Variants in TJP3 observed in about 807,000 individuals in gnomAD.
TJP3 encodes tight junction protein ZO-3.
Under a neutral mutation model 104.2 loss-of-function variants are expected in TJP3, and 85 were observed. The ratio of observed to expected loss-of-function variants is 0.82; its 90% CI spans 0.68 to 0.98. The LOEUF (loss-of-function observed/expected upper bound fraction) is 0.98, where lower values mean the gene tolerates loss of function less well. Ranked by LOEUF, TJP3 falls within the 50% of genes least tolerant of loss-of-function variation. The pLI, the probability that TJP3 is intolerant of heterozygous loss-of-function variation, is 0.00. For synonymous variants in TJP3, 550 were observed against 550.6 expected (o/e 1.00, Z 0.02); for missense variants, 1,367 against 1,322.8 (o/e 1.03, Z -0.52).
At position 3,738,973 on chromosome 19, in the gene TJP3, A is replaced by G. The variant is rs600986; in HGVS notation, c.1470A>G (p.Pro490=). The G allele has an allele frequency of 0.67, 1,078,900 of 1,612,606 alleles. 362,342 individuals are homozygous for G. The highest frequency in any genetic ancestry group is 0.81 in the Admixed American group (48,462 of 59,966). ...CTCACTTTGAGCTGGAGCCCAGTCC[A>G]CCGTCTGGCCTGGGCTTCACCCGTG... The part of the protein sequence containing the change: ...IRTHFELEPS[P]PSGLGFTRGD... Residue 490 remains proline, a synonymous_variant, in exon 13 of 21, where the codon CCA becomes CCG. Coordinates refer to ENST00000541714, the MANE Select transcript of TJP3 (RefSeq NM_001267560.2).
intron 11 of TJP3, 135 bp downstream of exon 11, chr19:3,736,456 C>T (rs182138793): frequency 2.3e-6 from 2 of 876,794 alleles, no homozygotes; most frequent in Admixed American, 3.7e-5. Context: ...TTGAACATTT[C>T]AGTGTCTCCT....
chr19:3,713,947 C>T (rs566587892), intron 1 of TJP3, among the ~76,000 whole-genome samples: 1 of 151,254 alleles, frequency 6.6e-6, no homozygotes, highest in South Asian at 2.1e-4. Flanking sequence ...GGATGGTCTC[C>T]ATCTCTTGAC....
At position 3,711,446 on chromosome 19, in the gene TJP3, G is replaced by A. The variant is rs1005544399; in HGVS notation, c.-10+2885G>A. On this transcript the variant is annotated intron_variant, in intron 1 of 20. Transcript: ENST00000541714. ...ACTCCTGATCTCAGGTGATTCGCTC[G>A]CCTCGGCCTCCCAAAGTGCTGGGAT... Among the ~76,000 whole-genome samples, 380 of 148,174 alleles carry A rather than the reference G, an allele frequency of 2.6e-3. 3 individuals carry two copies. Among genetic ancestry groups the A allele is most frequent in the African/African-American group, 8.8e-3 (352 of 40,170 alleles).
In TJP3 at chr19:3,728,733, G is replaced by C; in HGVS notation, c.158+20G>C. ...GCTACAGTGAGTATCCAGGCAGCTG[G>C]GTTCTGGCGGGGGAGGGCACGTGGA... On this transcript the variant is annotated intron_variant, in intron 3 of 20. Coordinates refer to ENST00000541714, the MANE Select transcript of TJP3 (RefSeq NM_001267560.2). 6.2e-7 allele frequency: 1 copy of C among 1,611,132 alleles called. No individual in the cohort carries two copies.
Position 3,746,179 on chromosome 19 carries a change from C to T in TJP3, c.2010+98C>T, listed in dbSNP as rs75339428. 5 of 1,241,568 alleles carry T rather than the reference C, an allele frequency of 4.0e-6. No homozygotes were observed. The highest frequency in any genetic ancestry group is 1.3e-5 in the South Asian group (1 of 76,186). 76.9% of individuals were successfully genotyped at this position (1,241,568 alleles called of 1,614,324 possible). Reference sequence around the variant, plus strand: ...CCTGACCTGTTCTCAGCCCACACCCCACAAGTGCAGTCTTCCATAGAGCCC... The same window carrying T: ...CCTGACCTGTTCTCAGCCCACACCCTACAAGTGCAGTCTTCCATAGAGCCC... On this transcript the variant is annotated intron_variant, in intron 16 of 20. Transcript: ENST00000541714. The surrounding 1 kb of genome is among the most constrained non-coding windows in gnomAD (Gnocchi z 4.1).
chr19:3,714,014 C>T (rs2036455489), intron 1 of TJP3, among the ~76,000 whole-genome samples: 1 of 150,970 alleles, frequency 6.6e-6, no homozygotes, highest in South Asian at 2.1e-4. Flanking sequence ...GGTGAACCAC[C>T]ACGCCCGGCC....
At position 3,746,411 on chromosome 19, in the gene TJP3, C is replaced by T; in HGVS notation, c.2011-74C>T. The T allele has an allele frequency of 6.5e-7, 1 of 1,532,502 alleles. No homozygotes were observed. 94.9% of individuals were successfully genotyped at this position (1,532,502 alleles called of 1,614,324 possible). ...GGGTCCACTCTGACCTCAGACTCTT[C>T]ATCTTTCTATCTTTCTCTCTCTGTT... On this transcript the variant is annotated intron_variant, in intron 16 of 20. Transcript: ENST00000541714. This position sits in a 1 kb window ranked among gnomAD's most constrained non-coding sequence, Gnocchi z 4.1.
chr19:3,746,996 G>A lies in TJP3; in HGVS notation c.2322+120G>A. The A allele has an allele frequency of 1.1e-6, 1 of 911,362 alleles. No individual in the cohort carries two copies. Among genetic ancestry groups the A allele is most frequent in the Non-Finnish European group, 1.7e-6 (1 of 590,192 alleles). 56.5% of individuals were successfully genotyped at this position (911,362 alleles called of 1,614,324 possible). On this transcript the variant is annotated intron_variant, in intron 18 of 20. Transcript: ENST00000541714. The surrounding 1 kb of genome is among the most constrained non-coding windows in gnomAD (Gnocchi z 4.1). ...TGGTCAGGGATCAGGACTGTGGCCA[G>A]AGTCAAGATGGGACCTGAGACAAGG... is the stretch of plus-strand genomic sequence containing the variant.
chr19:3,712,271 G>C (rs1248407663), intron 1 of TJP3, among the ~76,000 whole-genome samples: 2 of 152,148 alleles, frequency 1.3e-5, no homozygotes, highest in African/African-American at 4.8e-5. Flanking sequence ...AGCCGGGATC[G>C]CACCACTGCA....
At chr19:3,724,340 C>T (rs1021691065) in intron 1 of TJP3, among the ~76,000 whole-genome samples, 5 of 151,984 alleles carry the variant, frequency 3.3e-5, no homozygotes, top group African/African-American at 7.2e-5. Context: ...GGACTACAGG[C>T]GCCGGCCACC....
Position 3,746,624 on chromosome 19 carries a change from C to T in TJP3, c.2150C>T (p.Ser717Phe), listed in dbSNP as rs1308996755. ...CTGCGCCAGTGGCTGGCGCCTGCCT[C>T]CCGCCGCAGCACCCGTCGCCTCTAC... ...KALRQWLAPASRRSTRRLYAQ... is the reference protein window; with the variant it reads ...KALRQWLAPAFRRSTRRLYAQ... The change falls in exon 17 of 21, where the codon TCC becomes TTC. Residue 717 changes from serine (S) to phenylalanine (F), a missense_variant. Physicochemically the swap from Ser to Phe is radical, Grantham distance 155 (BLOSUM62 -2). Coordinates refer to ENST00000541714, the MANE Select transcript of TJP3 (RefSeq NM_001267560.2). The surrounding 1 kb of genome is among the most constrained non-coding windows in gnomAD (Gnocchi z 4.1). 1 of 1,612,840 alleles carries T rather than the reference C, an allele frequency of 6.2e-7. No individual in the cohort carries two copies. The highest frequency in any genetic ancestry group is 8.5e-7 in the Non-Finnish European group (1 of 1,179,800).
chr19:3,723,808 A>AAAATATAT (rs368301716), intron 1 of TJP3, among the ~76,000 whole-genome samples: 3 of 128,938 alleles, frequency 2.3e-5, no homozygotes, highest in Non-Finnish European at 4.9e-5. Context: ...AAAAAAAAAA[A>AAAATATAT]ATATATATAT....
intron 8 of TJP3, among the ~76,000 whole-genome samples, chr19:3,735,135 G>C (rs2036722162): frequency 1.3e-5 from 2 of 151,758 alleles, no homozygotes; most frequent in Non-Finnish European, 2.9e-5. Context: ...CAAAGTGCTG[G>C]TATTACAGGC....
At chr19:3,724,107 G>T (rs931082054) in intron 1 of TJP3, among the ~76,000 whole-genome samples, 1 of 152,068 alleles carries the variant, frequency 6.6e-6, no homozygotes, top group Non-Finnish European at 1.5e-5. Flanking sequence ...CCATGGAGAC[G>T]AACCCGCACA....
chr19:3,727,279 G>A (rs762497474), intron 1 of TJP3, among the ~76,000 whole-genome samples: 17 of 151,920 alleles, frequency 1.1e-4, no homozygotes, highest in Non-Finnish European at 2.2e-4. Context: ...TCAGGAGTTC[G>A]AGACCAGCCT....
chr19:3,747,491 C>T (rs113689900), intron 18 of TJP3, among the ~76,000 whole-genome samples: 7,168 of 152,164 alleles, frequency 0.047, 570 homozygotes, highest in African/African-American at 0.16. Flanking sequence ...GCAGAGATTG[C>T]GCCACAGCAC....
chr19:3,744,928 G>A (rs755372933), intron 15 of TJP3, among the ~76,000 whole-genome samples: 22 of 151,698 alleles, frequency 1.5e-4, no homozygotes, highest in Admixed American at 4.0e-4. Context: ...ACCCTGTCTC[G>A]AAATAAAAAA....
intron 1 of TJP3, among the ~76,000 whole-genome samples, chr19:3,724,357 T>A (rs568548687): frequency 1.1e-3 from 160 of 151,796 alleles, no homozygotes; most frequent in Non-Finnish European, 2.1e-3. Context: ...CACCACGCCC[T>A]GCTAATTTTT....
rs537072976 is a variant in TJP3 at position 3,721,961 on chromosome 19, G to A, written c.-9-6463G>A. ...GGGGAGGGGCTCGGGCTGAGGTGGGGTGGGGGGAAAGCAGGGTTTGGGAGT... is the reference window on the plus strand; with the variant it reads ...GGGGAGGGGCTCGGGCTGAGGTGGGATGGGGGGAAAGCAGGGTTTGGGAGT... On this transcript the variant is annotated intron_variant, in intron 1 of 20. Transcript: ENST00000541714. 1.1e-5 allele frequency: 12 copies of A among 1,065,390 alleles called. No individual in the cohort carries two copies. In the Admixed American group the frequency reaches 1.3e-4, roughly 11 times the overall value. 66.0% of individuals were successfully genotyped at this position (1,065,390 alleles called of 1,614,324 possible).
Sources: gnomAD v4.1 joint callset for allele counts (sites outside exome capture counted in the v4.1 genomes callset) on GRCh38, gnomAD v4.1.1 for gene constraint, Gnocchi (gnomAD v3.1) non-coding constraint, MANE v1.5 for transcripts, NCBI Gene and HGNC (gene_info 2026-07-23, HGNC 2026-07-21) for gene names.